Variants in ADAMTSL1 observed in about 807,000 individuals in gnomAD.
The protein encoded by ADAMTSL1 is ADAMTS like 1.
A neutral mutation model predicts 201.8 loss-of-function variants in ADAMTSL1; 126 were observed. That is an observed-to-expected ratio of 0.62 (90% CI 0.54 to 0.72). The LOEUF (loss-of-function observed/expected upper bound fraction) is 0.72. Among genes scored for constraint, ADAMTSL1 ranks in the 30% least tolerant of loss-of-function variants. The probability of loss-of-function intolerance (pLI) is 0.00; values close to 1 mark genes in which losing one functional copy is unlikely to be tolerated. For synonymous variants in ADAMTSL1, 1,121 were observed against 903.4 expected (o/e 1.24, Z -4.32); for missense variants, 2,679 against 2,277.8 (o/e 1.18, Z -3.59).
At chr9:18,327,858 C>T (rs939013176) in intron 2 of ADAMTSL1, among the ~76,000 whole-genome samples, 1 of 152,164 alleles carries the variant, frequency 6.6e-6, no homozygotes, top group Non-Finnish European at 1.5e-5. Context: ...ACCAAGTTGG[C>T]TTTTCATTTA....
intron 2 of ADAMTSL1, among the ~76,000 whole-genome samples, chr9:18,199,888 TA>T (rs1352044178): frequency 1.4e-5 from 2 of 143,660 alleles, no homozygotes; most frequent in African/African-American, 5.0e-5. Flanking sequence ...ATAAACTTGC[TA>T]AATTTTTTTT....
In ADAMTSL1 at chr9:18,905,773, G is replaced by C. The variant is rs113677851; in HGVS notation, c.4852-9G>C. 1,161 of 1,609,286 alleles carry C rather than the reference G, an allele frequency of 7.2e-4. 9 individuals are homozygous for C. In the African/African-American group the frequency reaches 0.013, roughly 18 times the overall value. ...AATGTGCGGTATGTTACCTTTTTCT[G>C]CTTTCCAGTGCAATGGGCCTTGCAT... On this transcript the variant is annotated splice_polypyrimidine_tract_variant and intron_variant, in intron 26 of 28. Transcript: ENST00000380548.
At position 18,635,237 on chromosome 9, in the gene ADAMTSL1, T is replaced by A. The variant is rs1029137245; in HGVS notation, c.602-706T>A. Among the ~76,000 whole-genome samples the A allele has an allele frequency of 5.9e-5, 9 of 152,236 alleles. No homozygotes were observed. In the East Asian group the frequency reaches 1.5e-3, roughly 26 times the overall value. On this transcript the variant is annotated intron_variant, in intron 5 of 28. Transcript: ENST00000380548. ...TGCCTGTGATGGTATTTGAGATGCA[T>A]GTAATATAGCTCTAATTTTTAAAAA...
intron 2 of ADAMTSL1, among the ~76,000 whole-genome samples, chr9:18,528,731 C>T (rs1255424469): frequency 6.6e-6 from 1 of 152,148 alleles, no homozygotes; most frequent in Non-Finnish European, 1.5e-5. Context: ...TTCTTTCATA[C>T]TTGACCCAGT....
chr9:18,587,051 G>C (rs148631398), intron 4 of ADAMTSL1, among the ~76,000 whole-genome samples: 1 of 151,862 alleles, frequency 6.6e-6, no homozygotes, highest in Non-Finnish European at 1.5e-5. Flanking sequence ...CAAATATTTC[G>C]TGGCAAAGAT....
At chr9:18,076,877 C>T (rs1395316386) in intron 1 of ADAMTSL1, among the ~76,000 whole-genome samples, 1 of 152,014 alleles carries the variant, frequency 6.6e-6, no homozygotes, top group East Asian at 1.9e-4. Flanking sequence ...ATTAAGGAGG[C>T]TTTTGCATTA....
At chr9:18,641,085 G>T (rs1296478134) in intron 7 of ADAMTSL1, among the ~76,000 whole-genome samples, 1 of 151,934 alleles carries the variant, frequency 6.6e-6, no homozygotes, top group Non-Finnish European at 1.5e-5. Flanking sequence ...TGAATGCCGG[G>T]CAGGTCCCCC....
At chr9:18,619,600 G>T (rs147341778) in intron 4 of ADAMTSL1, among the ~76,000 whole-genome samples, 1 of 152,072 alleles carries the variant, frequency 6.6e-6, no homozygotes, top group Non-Finnish European at 1.5e-5. Flanking sequence ...TAATATTACC[G>T]TTGCTTTGGA....
chr9:18,117,642 A>G (rs1359142369), intron 1 of ADAMTSL1, among the ~76,000 whole-genome samples: 4 of 152,162 alleles, frequency 2.6e-5, no homozygotes, highest in African/African-American at 9.7e-5. Flanking sequence ...AAATGCTGGA[A>G]CTTAATTATT....
In ADAMTSL1 at chr9:18,529,159, A is replaced by G. The variant is rs531956744; in HGVS notation, c.192-4088A>G. Reference sequence around the variant, plus strand: ...TTCATAAATTTTAACTTTCAAAAATATAAGCTTCTCTGCACTGAAGTTCTT... The same window carrying G: ...TTCATAAATTTTAACTTTCAAAAATGTAAGCTTCTCTGCACTGAAGTTCTT... On this transcript the variant is annotated intron_variant, in intron 2 of 28. Transcript: ENST00000380548. 1.9e-3 allele frequency among the ~76,000 whole-genome samples: 290 copies of G among 152,350 alleles called. 1 individual carries two copies. The highest frequency in any genetic ancestry group is 6.7e-3 in the African/African-American group (277 of 41,582).
At chr9:18,217,385 T>G (rs1830092527) in intron 2 of ADAMTSL1, among the ~76,000 whole-genome samples, 2 of 152,124 alleles carry the variant, frequency 1.3e-5, no homozygotes, top group African/African-American at 4.8e-5. Flanking sequence ...GGCAAATGTT[T>G]CTTGAGGTGC....
At chr9:18,133,028 T>A (rs1826014188) in intron 1 of ADAMTSL1, among the ~76,000 whole-genome samples, 1 of 152,094 alleles carries the variant, frequency 6.6e-6, no homozygotes, top group South Asian at 2.1e-4. Flanking sequence ...GATTAAGGAT[T>A]GAGGGTTCAG....
intron 1 of ADAMTSL1, among the ~76,000 whole-genome samples, chr9:17,914,376 T>A (rs1219414073): frequency 6.6e-6 from 1 of 152,072 alleles, no homozygotes; most frequent in Non-Finnish European, 1.5e-5. Context: ...TATACGTAAA[T>A]CAATAAATGT....
intron 2 of ADAMTSL1, among the ~76,000 whole-genome samples, chr9:18,371,214 A>G (rs986130972): frequency 8.5e-5 from 13 of 152,166 alleles, no homozygotes; most frequent in Non-Finnish European, 1.6e-4. Context: ...GTGTATATGC[A>G]TTATCTACTC....
chr9:18,429,660 AATTT>A (rs1335418668), intron 2 of ADAMTSL1, among the ~76,000 whole-genome samples: 1 of 152,168 alleles, frequency 6.6e-6, no homozygotes, highest in Admixed American at 6.5e-5. Flanking sequence ...TGCTCTTATT[AATTT>A]ATCATTCCCC....
At chr9:18,825,126 TGC>T (rs1293991047) in intron 21 of ADAMTSL1, among the ~76,000 whole-genome samples, 7 of 152,268 alleles carry the variant, frequency 4.6e-5, no homozygotes, top group African/African-American at 1.7e-4. Context: ...TGTGAATCCG[TGC>T]CACATATCTT....
chr9:18,581,185 G>T (rs1333087050), intron 4 of ADAMTSL1, among the ~76,000 whole-genome samples: 1 of 152,022 alleles, frequency 6.6e-6, no homozygotes, highest in Non-Finnish European at 1.5e-5. Flanking sequence ...ACTTGCAGCT[G>T]CATCACTCTA....
intron 2 of ADAMTSL1, among the ~76,000 whole-genome samples, chr9:18,505,164 T>C (rs902263470): frequency 6.6e-6 from 1 of 152,240 alleles, no homozygotes; most frequent in African/African-American, 2.4e-5. Flanking sequence ...GGTCTTTATG[T>C]ACTCTTATCA....
chr9:17,918,361 T>G (rs1826183577), intron 1 of ADAMTSL1, among the ~76,000 whole-genome samples: 1 of 151,654 alleles, frequency 6.6e-6, no homozygotes, highest in Non-Finnish European at 1.5e-5. Flanking sequence ...TTCATAGTAC[T>G]TTCTTATAAC....
Sources: gnomAD v4.1 joint callset for allele counts (sites outside exome capture counted in the v4.1 genomes callset) on GRCh38, gnomAD v4.1.1 for gene constraint, MANE v1.5 for transcripts, NCBI Gene and HGNC (gene_info 2026-07-23, HGNC 2026-07-21) for gene names.